The following EP400 variants were observed in gnomAD, a reference collection of about 807,000 sequenced individuals.
The protein encoded by EP400 is E1A binding protein p400, also known as E1A-binding protein p400.
Under a neutral mutation model 354.1 loss-of-function variants are expected in EP400, and 105 were observed. The ratio of observed to expected loss-of-function variants is 0.30; its 90% CI spans 0.25 to 0.35. EP400 has a LOEUF of 0.35. Ranked by LOEUF, EP400 falls within the 10% of genes least tolerant of loss-of-function variation. The pLI, the probability that EP400 is intolerant of heterozygous loss-of-function variation, is 1.00. For missense variants in EP400, 3,280 were observed against 4,121.0 expected (o/e 0.80, Z 5.59); for synonymous variants, 1,646 against 1,716.9 (o/e 0.96, Z 1.02).
intron 32 of EP400, among the ~76,000 whole-genome samples, chr12:132,041,060 G>T (rs1382836843): frequency 6.6e-6 from 1 of 152,202 alleles, no homozygotes; most frequent in Non-Finnish European, 1.5e-5. Context: ...GGTGTGTGAG[G>T]AGGATGGCTG....
intron 32 of EP400, among the ~76,000 whole-genome samples, chr12:132,042,710 A>G (rs1430540891): frequency 6.6e-6 from 1 of 152,268 alleles, no homozygotes; most frequent in Non-Finnish European, 1.5e-5. Context: ...CACATCTGCT[A>G]GTAACTATAG....
intron 32 of EP400, 144 bp from the exon 33 acceptor site, chr12:132,043,160 C>T (rs900848296): frequency 7.3e-6 from 6 of 822,948 alleles, no homozygotes; most frequent in Non-Finnish European, 1.1e-5. Flanking sequence ...GTAAGAGGAC[C>T]TCAGGGAAGG....
At chr12:131,996,398 TCTC>T (rs1241856668) in intron 12 of EP400, among the ~76,000 whole-genome samples, 25 of 150,978 alleles carry the variant, frequency 1.7e-4, no homozygotes, top group Admixed American at 1.5e-3. Context: ...TTTACGCCAT[TCTC>T]CTGCCTCAGC....
chr12:132,020,855 G>A (rs1236003151), intron 22 of EP400, among the ~76,000 whole-genome samples: 3 of 152,170 alleles, frequency 2.0e-5, no homozygotes, highest in Admixed American at 1.3e-4. Context: ...GAAATGTACC[G>A]CGTAGCGTAC....
At chr12:131,982,998 T>G (rs1180692784) in intron 5 of EP400, among the ~76,000 whole-genome samples, 3 of 151,330 alleles carry the variant, frequency 2.0e-5, no homozygotes, top group Non-Finnish European at 4.4e-5. Context: ...ATAATAATAA[T>G]AGACAACTGT....
chr12:131,998,410 A>G (rs1042286589), intron 12 of EP400, among the ~76,000 whole-genome samples: 4 of 152,144 alleles, frequency 2.6e-5, no homozygotes, highest in African/African-American at 7.2e-5. Flanking sequence ...TCTATGATCA[A>G]AATATAGTTC....
rs1412224671 is a variant in EP400, at chr12:132,050,642, G to A, written c.7381G>A (p.Val2461Met). 1.2e-6 allele frequency: 2 copies of A among 1,614,212 alleles called. No individual in the cohort carries two copies. Among genetic ancestry groups the A allele is most frequent in the Admixed American group, 1.7e-5 (1 of 60,028 alleles). The change falls in exon 41 of 53, where the codon GTG becomes ATG. Residue 2461 changes from valine (V) to methionine (M), a missense_variant. By Grantham distance (21) the Val-to-Met change is conservative. Coordinates refer to ENST00000389561, the MANE Select transcript of EP400 (RefSeq NM_015409.5). The surrounding 1 kb of genome is among the most constrained non-coding windows in gnomAD (Gnocchi z 4.8). ...TCAGAAGAACCCCAAGCACGCGTCT[G>A]TGTTGGCAGAAAGGTATTTCTCTAT... ...PFQKNPKHAS[V>M]LAESGINYDK...
intron 15 of EP400, among the ~76,000 whole-genome samples, chr12:132,007,210 T>C (rs1259353310): frequency 6.6e-6 from 1 of 152,246 alleles, no homozygotes; most frequent in African/African-American, 2.4e-5. Flanking sequence ...TAGACTGGCA[T>C]GAACCCGCCG....
In EP400 at chr12:131,961,471, G is replaced by A. The variant is rs1891879695; in HGVS notation, c.852G>A (p.Gln284=). The A allele has an allele frequency of 1.9e-6, 3 of 1,554,930 alleles. No individual in the cohort carries two copies. ...TGGTTCAGCAGCAGCAGGTGCTGCA[G>A]GGGCCGCCGCTGCCCCGGCCCCTGG... ...GQLVQQQQVL[Q]GPPLPRPLGF... The change falls in exon 2 of 53, where the codon CAG becomes CAA. Residue 284 remains glutamine (Q), a synonymous_variant. Coordinates refer to ENST00000389561, the MANE Select transcript of EP400 (RefSeq NM_015409.5).
rs1892616278 is a variant in EP400, at chr12:131,979,778, T to G, written c.1420T>G (p.Ser474Ala). 1 of 1,606,172 alleles carries G rather than the reference T, an allele frequency of 6.2e-7. No individual in the cohort carries two copies. Among genetic ancestry groups the G allele is most frequent in the African/African-American group, 1.3e-5 (1 of 74,396 alleles). Residue 474 changes from serine (S) to alanine (A), a missense_variant, in exon 3 of 53, where the codon TCC becomes GCC. Transcript: ENST00000389561. Reference sequence around the variant, plus strand: ...GTTTAAGAGGCAGCAGGCGATGCCCTCCACAGGTATGGCAGGTACGTCGGC... The same window carrying G: ...GTTTAAGAGGCAGCAGGCGATGCCCGCCACAGGTATGGCAGGTACGTCGGC... ...DLFKRQQAMP[S>A]TGMAEQSKRP...
Position 131,960,938 on chromosome 12 carries a change from A to G in EP400, c.319A>G (p.Ser107Gly), listed in dbSNP as rs769273367. 6.2e-6 allele frequency: 10 copies of G among 1,613,476 alleles called. No homozygotes were observed. Among genetic ancestry groups the G allele is most frequent in the Non-Finnish European group, 7.6e-6 (9 of 1,179,928 alleles). Residue 107 changes from serine (S) to glycine (G), a missense_variant, in exon 2 of 53, where the codon AGC becomes GGC. Physicochemically the swap from Ser to Gly is moderately conservative, Grantham distance 56. Around this residue, in one of 20 missense-constraint regions of EP400, gnomAD observed 172 missense variants for 242.9 expected, o/e 0.71. Coordinates refer to ENST00000389561, the MANE Select transcript of EP400 (RefSeq NM_015409.5). ...CCCCACCTCTCCAGGCTTCCAGTTC[A>G]GCGCTCAGCCTCGGCGGTTTGAGCA... ...PSPTSPGFQF[S>G]AQPRRFEHGS... is the part of the protein sequence containing the mutation.
At chr12:131,980,809 C>T (rs1303568412) in intron 3 of EP400, among the ~76,000 whole-genome samples, 2 of 152,184 alleles carry the variant, frequency 1.3e-5, no homozygotes, top group Non-Finnish European at 2.9e-5. Flanking sequence ...GCCTCAGCCT[C>T]CCAAAGTGCT....
intron 11 of EP400, among the ~76,000 whole-genome samples, chr12:131,993,319 C>T (rs1004016402): frequency 1.1e-4 from 16 of 152,196 alleles, no homozygotes; most frequent in African/African-American, 3.6e-4. Context: ...GCCACCACAC[C>T]TGGCCTGGTG....
At chr12:132,063,868 CG>C (rs1464112558) in intron 47 of EP400, among the ~76,000 whole-genome samples, 1 of 152,146 alleles carries the variant, frequency 6.6e-6, no homozygotes, top group East Asian at 1.9e-4. Context: ...TTGTATCCTG[CG>C]GGACGTGCCA....
intron 48 of EP400, chr12:132,065,546 G>C (rs934281616): frequency 5.9e-5 from 9 of 152,442 alleles, no homozygotes; most frequent in African/African-American, 2.2e-4. Context: ...AGGGATAAGG[G>C]TCTTACTATT....
rs1375887301 is a variant in EP400, at chr12:132,075,359, C to T, written c.9022-1157C>T. Among the ~76,000 whole-genome samples the T allele has an allele frequency of 1.3e-5, 2 of 152,118 alleles. No individual in the cohort carries two copies. The highest frequency in any genetic ancestry group is 1.9e-4 in the East Asian group (1 of 5,182). On this transcript the variant is annotated intron_variant, in intron 51 of 52. Coordinates refer to ENST00000389561, the MANE Select transcript of EP400 (RefSeq NM_015409.5). This position sits in a 1 kb window ranked among gnomAD's most constrained non-coding sequence, Gnocchi z 4.5. ...TGTGCAGCTTTTCTGCTCCGTGACT[C>T]GTGATGCCCGCCTGTGCTTAGGTTT...
At chr12:131,971,062 T>C (rs1230377278) in intron 2 of EP400, among the ~76,000 whole-genome samples, 1 of 152,156 alleles carries the variant, frequency 6.6e-6, no homozygotes, top group Non-Finnish European at 1.5e-5. Flanking sequence ...ATTAGCCAGG[T>C]GTGGCATGTG....
intron 12 of EP400, among the ~76,000 whole-genome samples, chr12:132,003,741 T>C (rs1893492432): frequency 6.6e-6 from 1 of 152,214 alleles, no homozygotes; most frequent in Non-Finnish European, 1.5e-5. Context: ...AGGAACATCA[T>C]GGACACACCA....
At chr12:132,022,913 T>C (rs968853003) in intron 23 of EP400, among the ~76,000 whole-genome samples, 2 of 152,116 alleles carry the variant, frequency 1.3e-5, no homozygotes, top group African/African-American at 4.8e-5. Context: ...GCCCTCCAGC[T>C]TGGGTGACAG....
Sources: gnomAD v4.1 joint callset for allele counts (sites outside exome capture counted in the v4.1 genomes callset) on GRCh38, gnomAD v4.1.1 for gene constraint, gnomAD v4.1.1 regional missense constraint, Gnocchi (gnomAD v3.1) non-coding constraint, MANE v1.5 for transcripts, NCBI Gene and HGNC (gene_info 2026-07-23, HGNC 2026-07-21) for gene names.